Variants in NAA15 observed in about 807,000 individuals in gnomAD.
NAA15 encodes N-alpha-acetyltransferase 15, NatA auxiliary subunit, also known as N-terminal acetyltransferase.
In NAA15, 34 loss-of-function variants were observed where a neutral mutation model predicts 114.0. The ratio of observed to expected loss-of-function variants is 0.30; its 90% CI spans 0.23 to 0.40. The LOEUF is 0.40. Among genes scored for constraint, NAA15 ranks in the 10% least tolerant of loss-of-function variants. NAA15 has a pLI of 1.00. For synonymous variants in NAA15, 340 were observed against 338.0 expected (o/e 1.01, Z -0.06); for missense variants, 658 against 1,004.5 (o/e 0.66, Z 4.66).
intron 15 of NAA15, among the ~76,000 whole-genome samples, chr4:139,375,815 G>T (rs1748565083): frequency 6.6e-6 from 1 of 152,068 alleles, no homozygotes; most frequent in Non-Finnish European, 1.5e-5. Flanking sequence ...ATAAAAATTG[G>T]TAGGAACACA....
At chr4:139,366,030 T>C (rs938307099) in intron 14 of NAA15, among the ~76,000 whole-genome samples, 1 of 152,128 alleles carries the variant, frequency 6.6e-6, no homozygotes, top group Non-Finnish European at 1.5e-5. Context: ...TTTTTTTTTT[T>C]TTTTGCGTTT....
chr4:139,338,347 T>A (rs551450726), intron 3 of NAA15, among the ~76,000 whole-genome samples: 29 of 152,368 alleles, frequency 1.9e-4, no homozygotes, highest in African/African-American at 7.0e-4. Context: ...ATTTTTCAAA[T>A]AAAATTTGTA....
chr4:139,353,969 A>G, intron 9 of NAA15, 57 bp from the exon 10 acceptor site: 1 of 1,349,142 alleles, frequency 7.4e-7, no homozygotes, highest in South Asian at 1.2e-5. Context: ...CATTTTGCAT[A>G]AGAATAGTAA....
At chr4:139,371,214 T>C (rs951147204) in intron 15 of NAA15, among the ~76,000 whole-genome samples, 1 of 152,118 alleles carries the variant, frequency 6.6e-6, no homozygotes, top group Admixed American at 6.5e-5. Context: ...CAAGGAAAAT[T>C]ATAATGCCAA....
intron 19 of NAA15, among the ~76,000 whole-genome samples, chr4:139,386,735 A>G (rs1748918825): frequency 6.6e-6 from 1 of 151,956 alleles, no homozygotes; most frequent in African/African-American, 2.4e-5. Context: ...GATATGAGGA[A>G]CACTTGAGCC....
intron 5 of NAA15, 117 bp downstream of exon 5, chr4:139,343,077 G>A (rs897913137): frequency 2.3e-6 from 2 of 888,084 alleles, no homozygotes; most frequent in African/African-American, 1.7e-5. Context: ...AAAAGTTGCA[G>A]GAATAGCACA....
intron 1 of NAA15, among the ~76,000 whole-genome samples, chr4:139,316,234 G>A (rs1746406555): frequency 6.6e-6 from 1 of 151,634 alleles, no homozygotes; most frequent in Non-Finnish European, 1.5e-5. Context: ...CTATATCCTT[G>A]ATATTTGAAG....
intron 14 of NAA15, among the ~76,000 whole-genome samples, chr4:139,362,338 T>G (rs565859177): frequency 6.6e-6 from 1 of 152,212 alleles, no homozygotes; most frequent in Non-Finnish European, 1.5e-5. Context: ...TGGAGTGCAG[T>G]GCATGATCTC....
intron 8 of NAA15, 47 bp from the exon 9 acceptor site, chr4:139,351,458 A>C: frequency 8.2e-7 from 1 of 1,216,862 alleles, no homozygotes; most frequent in Non-Finnish European, 1.2e-6. Context: ...GGTAAATGTA[A>C]GTAAATACTT....
intron 7 of NAA15, 35 bp from the exon 8 acceptor site, chr4:139,351,156 A>T: frequency 9.0e-7 from 1 of 1,110,404 alleles, no homozygotes; most frequent in Non-Finnish European, 1.3e-6. Flanking sequence ...ACAATTTATG[A>T]TTATATATAA....
intron 9 of NAA15, among the ~76,000 whole-genome samples, chr4:139,353,701 G>C (rs1225354630): frequency 6.6e-6 from 1 of 152,116 alleles, no homozygotes; most frequent in Non-Finnish European, 1.5e-5. Flanking sequence ...TTTACTGTGG[G>C]TGTTCATTTA....
Position 139,311,686 on chromosome 4 carries a change from G to A in NAA15, c.54+9855G>A, listed in dbSNP as rs956096952. On this transcript the variant is annotated intron_variant, in intron 1 of 19. Transcript: ENST00000296543. ...GCTGCTGTATTAGAATCTTCAGATA[G>A]TAGGGCTCAGCCATACGTCATTTCA... 2.0e-5 allele frequency among the ~76,000 whole-genome samples: 3 copies of A among 151,942 alleles called. 1 individual carries two copies. The highest frequency in any genetic ancestry group is 7.3e-5 in the African/African-American group (3 of 41,314).
chr4:139,325,274 C>A (rs1746759640), intron 1 of NAA15, among the ~76,000 whole-genome samples: 1 of 152,046 alleles, frequency 6.6e-6, no homozygotes, highest in African/African-American at 2.4e-5. Context: ...ATTAGAAGAT[C>A]TTTTAAAAGA....
At position 139,388,194 on chromosome 4, in the gene NAA15, G is replaced by A; in HGVS notation, c.*110G>A. On this transcript the variant is annotated 3_prime_UTR_variant, in exon 20 of 20. Transcript: ENST00000296543. ...CTTACACAGAATGAGAGGAGTAAAT[G>A]TTCTTGCCTTCAAATAGTGTTTTAC... 1.2e-6 allele frequency: 1 copy of A among 840,128 alleles called. No individual in the cohort carries two copies. Among genetic ancestry groups the A allele is most frequent in the Non-Finnish European group, 1.8e-6 (1 of 549,548 alleles). The allele number at this position is 840,128 out of a possible 1,614,324, so 52.0% of individuals were successfully genotyped here.
chr4:139,376,854 A>C (rs551391415), intron 16 of NAA15, among the ~76,000 whole-genome samples: 2 of 152,268 alleles, frequency 1.3e-5, no homozygotes, highest in East Asian at 3.9e-4. Flanking sequence ...TAGAAGATAA[A>C]ATTTTGAGCC....
intron 1 of NAA15, among the ~76,000 whole-genome samples, chr4:139,324,984 T>G (rs1410707485): frequency 1.3e-5 from 2 of 152,206 alleles, no homozygotes; most frequent in Non-Finnish European, 2.9e-5. Context: ...TGAATATAAT[T>G]TCAATAAGGA....
intron 1 of NAA15, among the ~76,000 whole-genome samples, chr4:139,312,084 A>G (rs2110837955): frequency 6.6e-6 from 1 of 152,146 alleles, no homozygotes; most frequent in East Asian, 1.9e-4. Flanking sequence ...GGAAGAGAGA[A>G]CAAGTCACAT....
At position 139,342,889 on chromosome 4, in the gene NAA15, A is replaced by C; in HGVS notation, c.466A>C (p.Ile156Leu). The stretch of plus-strand genomic sequence containing the variant: ...GAGAGCATCATGGATTGGTTATGCT[A>C]TTGCTTACCATTTATTAGAAGATTA... Reference protein sequence around the residue: ...AQRASWIGYAIAYHLLEDYEM... With the variant: ...AQRASWIGYALAYHLLEDYEM... The change falls in exon 5 of 20, where the codon ATT (isoleucine) becomes CTT (leucine). Residue 156 changes from isoleucine to leucine, a missense_variant. Transcript: ENST00000296543. 1.2e-6 allele frequency: 2 copies of C among 1,612,468 alleles called. No homozygotes were observed. Among genetic ancestry groups the C allele is most frequent in the Non-Finnish European group, 1.7e-6 (2 of 1,178,514 alleles).
chr4:139,307,409 C>T (rs191520702), intron 1 of NAA15, among the ~76,000 whole-genome samples: 1 of 152,322 alleles, frequency 6.6e-6, no homozygotes, highest in Non-Finnish European at 1.5e-5. Context: ...GCTGCGACTA[C>T]AGGCGTGCCA....
Sources: gnomAD v4.1 joint callset for allele counts (sites outside exome capture counted in the v4.1 genomes callset) on GRCh38, gnomAD v4.1.1 for gene constraint, MANE v1.5 for transcripts, NCBI Gene and HGNC (gene_info 2026-07-23, HGNC 2026-07-21) for gene names.